Variants in NBPF26 observed in about 807,000 individuals in gnomAD.
NBPF26 encodes the protein NBPF member 26, also known as NBPF family member NBPF26.
Under a neutral mutation model 119.6 loss-of-function variants are expected in NBPF26, and 79 were observed. The ratio of observed to expected loss-of-function variants is 0.66; its 90% confidence interval spans 0.55 to 0.80. The LOEUF (loss-of-function observed/expected upper bound fraction) is 0.80. Among genes scored for constraint, NBPF26 ranks in the 30% least tolerant of loss-of-function variants. The pLI is 0.00. For missense variants in NBPF26, 800 were observed against 1,198.2 expected, an observed-to-expected ratio of 0.67 and a Z score of 4.91; for synonymous variants, 299 against 457.7, an observed-to-expected ratio of 0.65 and a Z score of 4.43.
In NBPF26 at chr1:120,783,551, T is replaced by G. The variant is rs1376676482; in HGVS notation, c.156-1423T>G. On this transcript the variant is annotated intron_variant, in intron 2 of 29. Transcript: ENST00000620612. ...AAGTTTCTTGGGAAGATGATCTCCT[T>G]TTACAAATGTTTAGTTTCAAATAGT... Among the ~76,000 whole-genome samples, 5 of 58,404 alleles carry G rather than the reference T, an allele frequency of 8.6e-5. No individual in the cohort carries two copies. The East Asian group carries it at 1.2e-3, about 14-fold the overall frequency. The allele number at this position is 58,404 out of a possible 152,430, so 38.3% of individuals were successfully genotyped here.
chr1:120,841,952 T>C (rs1230872528), downstream of NBPF26, among the ~76,000 whole-genome samples: 23 of 63,164 alleles, frequency 3.6e-4, 1 homozygote, highest in South Asian at 4.7e-4. Context: ...TATTATTATA[T>C]TCATATCTCT....
At chr1:120,769,942 AAG>A (rs1651243135) in intron 2 of NBPF26, among the ~76,000 whole-genome samples, 1 of 109,210 alleles carries the variant, frequency 9.2e-6, no homozygotes, top group Non-Finnish European at 1.9e-5. Context: ...TGTGAAATTT[AAG>A]AGAGTGCCAA....
chr1:120,810,714 A>C (rs1216294134), intron 9 of NBPF26, among the ~76,000 whole-genome samples, 156 bp downstream of exon 9: 1 of 114,044 alleles, frequency 8.8e-6, no homozygotes. Flanking sequence ...AGCACTTTGG[A>C]AGGCCCAAGT....
At chr1:120,805,685 A>G (rs1651665349) in exon 5 of NBPF26, 1 of 1,458,258 alleles carries the variant, frequency 6.9e-7, no homozygotes, top group African/African-American at 2.1e-5. Flanking sequence ...CCAGAGAACA[A>G]ACAGCAGTTG....
intron 11 of NBPF26, among the ~76,000 whole-genome samples, chr1:120,814,417 C>T: frequency 9.3e-6 from 1 of 107,302 alleles, no homozygotes; most frequent in East Asian, 2.1e-4. Flanking sequence ...TTTCTTCTTT[C>T]TTCTTTTCAA....
At chr1:120,810,500 G>A in exon 9 of NBPF26, 1 of 1,554,834 alleles carries the variant, frequency 6.4e-7, no homozygotes, top group African/African-American at 1.9e-5. Flanking sequence ...ACTCAACTCT[G>A]GTTGTAGACA....
Position 120,754,792 on chromosome 1 carries a change from C to G in NBPF26, c.74-8836C>G, listed in dbSNP as rs1221961548. ...AATGGTAAGAAAGGAACTTTCAAAA[C>G]TGTTTCAGTTTTGCAAAGATTAGAA... is the stretch of plus-strand genomic sequence containing the variant. On this transcript the variant is annotated intron_variant, in intron 1 of 29. Transcript: ENST00000620612. Among the ~76,000 whole-genome samples the G allele has an allele frequency of 1.2e-4, 14 of 115,154 alleles. 1 individual carries two copies. The highest frequency in any genetic ancestry group is 2.5e-4 in the South Asian group (1 of 3,940). The allele number at this position is 115,154 out of a possible 152,430, so 75.5% of individuals were successfully genotyped here. A position where few individuals can be genotyped will look rare whatever the true frequency, so the allele number is the denominator to read the frequency against.
At chr1:120,752,501 T>G (rs1293380953) in intron 1 of NBPF26, among the ~76,000 whole-genome samples, 6 of 31,674 alleles carry the variant, frequency 1.9e-4, no homozygotes, top group Non-Finnish European at 3.3e-4. Context: ...ATAAAATAAA[T>G]AAAAATTGAA....
intron 1 of NBPF26, among the ~76,000 whole-genome samples, chr1:120,745,094 T>G (rs1449593191): frequency 1.9e-5 from 1 of 53,692 alleles, no homozygotes; most frequent in Non-Finnish European, 3.1e-5. Flanking sequence ...CACATCTGTC[T>G]GGGTGACAGA....
At chr1:120,723,995 G>T in exon 1 of NBPF26, 1 of 1,209,332 alleles carries the variant, frequency 8.3e-7, no homozygotes, top group South Asian at 1.8e-5. Flanking sequence ...CGGCGGACTC[G>T]GGGCGCGGGG....
At chr1:120,814,600 A>G (rs1282300049) in intron 11 of NBPF26, among the ~76,000 whole-genome samples, 3 of 123,368 alleles carry the variant, frequency 2.4e-5, no homozygotes, top group African/African-American at 3.8e-5. Context: ...CAGAAGAGAA[A>G]GATGAATGGA....
In NBPF26 at chr1:120,815,520, C is replaced by T. The variant is rs1651989260; in HGVS notation, c.2092+477C>T. On this transcript the variant is annotated intron_variant, in intron 12 of 29. Coordinates refer to ENST00000620612, the Ensembl canonical transcript of NBPF26. ...TGTGGGAACACTTACAACTGCTTTC[C>T]AAAATGAGATGAAGTCCCTCGCCGT... Among the ~76,000 whole-genome samples the T allele has an allele frequency of 2.0e-5, 2 of 100,662 alleles. 1 individual carries two copies. Among genetic ancestry groups the T allele is most frequent in the South Asian group, 5.8e-4 (2 of 3,460 alleles). 66.0% of individuals were successfully genotyped at this position (100,662 alleles called of 152,430 possible).
At position 120,839,967 on chromosome 1, in the gene NBPF26, C is replaced by T. The variant is rs1354504004; in HGVS notation, c.4103+227C>T. On this transcript the variant is annotated intron_variant, in intron 29 of 29. Coordinates refer to ENST00000620612, the Ensembl canonical transcript of NBPF26. ...GACCATACTTCAAAAGTTGTACTCT[C>T]ATGGCCACTGCATCGAATTTTGAGC... Among the ~76,000 whole-genome samples the T allele has an allele frequency of 7.0e-5, 3 of 42,772 alleles. 1 individual carries two copies. Among genetic ancestry groups the T allele is most frequent in the Admixed American group, 2.2e-4 (1 of 4,612 alleles). The allele number at this position is 42,772 out of a possible 152,430, so 28.1% of individuals were successfully genotyped here.
chr1:120,817,049 G>A (rs1330811230), intron 14 of NBPF26, among the ~76,000 whole-genome samples: 3 of 118,042 alleles, frequency 2.5e-5, no homozygotes, highest in Non-Finnish European at 4.9e-5. Context: ...CAATCTCATA[G>A]TCACCTGAGT....
At chr1:120,759,391 A>T (rs1651109982) in intron 1 of NBPF26, among the ~76,000 whole-genome samples, 1 of 43,782 alleles carries the variant, frequency 2.3e-5, no homozygotes, top group South Asian at 5.0e-4. Context: ...TTGGGGTTAA[A>T]TGTGACTCTT....
At position 120,756,490 on chromosome 1, in the gene NBPF26, C is replaced by A. The variant is rs1215310117; in HGVS notation, c.74-7138C>A. 1.7e-5 allele frequency among the ~76,000 whole-genome samples: 2 copies of A among 116,798 alleles called. 1 individual carries two copies. The highest frequency in any genetic ancestry group is 3.3e-5 in the Non-Finnish European group (2 of 61,028). 76.6% of individuals were successfully genotyped at this position (116,798 alleles called of 152,430 possible). On this transcript the variant is annotated intron_variant, in intron 1 of 29. Transcript: ENST00000620612. Reference sequence around the variant, plus strand: ...GGGTCTAAGCACAGATACCACACTGCAGATAGGGAGAAGGATATGAAAAAA... The same window carrying A: ...GGGTCTAAGCACAGATACCACACTGAAGATAGGGAGAAGGATATGAAAAAA...
Position 120,810,372 on chromosome 1 carries a change from A to T in NBPF26, c.1378A>T (p.Lys460Ter). ...GGAGGTGCAGAAGACTGAAGAGAGC[A>T]AAGTCCCTGAGGACTCACTGGAGGA... Residue 460 changes from lysine (K) to a stop codon, truncating the protein, a stop_gained, in exon 9 of 30, where the codon AAA becomes TAA. Coordinates refer to ENST00000620612, the Ensembl canonical transcript of NBPF26. LOFTEE classifies it high-confidence loss of function. The T allele has an allele frequency of 6.4e-7, 1 of 1,555,658 alleles. No individual in the cohort carries two copies. Among genetic ancestry groups the T allele is most frequent in the Non-Finnish European group, 8.7e-7 (1 of 1,148,144 alleles).
In NBPF26 at chr1:120,818,920, A is replaced by G. The variant is rs1299315207; in HGVS notation, c.2423+746A>G. 2.9e-5 allele frequency among the ~76,000 whole-genome samples: 3 copies of G among 102,484 alleles called. No individual in the cohort carries two copies. In the East Asian group the frequency reaches 6.5e-4, roughly 22 times the overall value. The allele number at this position is 102,484 out of a possible 152,430, so 67.2% of individuals were successfully genotyped here. A position where few individuals can be genotyped will look rare whatever the true frequency, so the allele number is the denominator to read the frequency against. ...CCAACTATGTGGTCAATTTTGGAAT[A>G]AGTGTGATGTGGTGCTGAGAAGAAT... On this transcript the variant is annotated intron_variant, in intron 15 of 29. Transcript: ENST00000620612.
chr1:120,779,397 G>C (rs1277564409), intron 2 of NBPF26, among the ~76,000 whole-genome samples: 2 of 104,514 alleles, frequency 1.9e-5, no homozygotes, highest in East Asian at 4.2e-4. Flanking sequence ...GTTTAAAATG[G>C]AAAAATGCTC....
Sources: allele counts gnomAD v4.1 joint callset (sites outside exome capture counted in the v4.1 genomes callset), GRCh38; gene constraint gnomAD v4.1.1; transcripts MANE v1.5; gene names NCBI Gene and HGNC (gene_info 2026-07-23, HGNC 2026-07-21).